Variants in ATF7 observed in about 807,000 individuals in gnomAD.
The protein encoded by ATF7 is activating transcription factor 7, also known as cyclic AMP-dependent transcription factor ATF-7.
In ATF7, 10 loss-of-function variants were observed where a neutral mutation model predicts 50.4. The observed-to-expected ratio is 0.20, with a 90% CI of 0.12 to 0.34. The LOEUF (loss-of-function observed/expected upper bound fraction) is 0.34. ATF7 is among the 10% of genes least tolerant of loss of function. The probability of loss-of-function intolerance (pLI) is 1.00; values close to 1 mark genes in which losing one functional copy is unlikely to be tolerated. For missense variants in ATF7, 465 were observed against 613.9 expected (o/e 0.76, Z 2.56); for synonymous variants, 201 against 226.4 (o/e 0.89, Z 1.01).
chr12:53,554,743 A>G (rs1480978123), intron 2 of ATF7, among the ~76,000 whole-genome samples: 1 of 150,940 alleles, frequency 6.6e-6, no homozygotes. Flanking sequence ...GGTGCTTGTA[A>G]TCCTACCTAC....
chr12:53,510,269 C>T (rs1422889321), downstream of ATF7, among the ~76,000 whole-genome samples: 1 of 152,196 alleles, frequency 6.6e-6, no homozygotes, highest in Non-Finnish European at 1.5e-5. Flanking sequence ...GAACTCCCGA[C>T]CTCAGGTGAT....
downstream of ATF7, among the ~76,000 whole-genome samples, chr12:53,509,707 T>C (rs993809310): frequency 6.6e-6 from 1 of 152,086 alleles, no homozygotes; most frequent in Non-Finnish European, 1.5e-5. Context: ...GGTTTCACCA[T>C]GTTGGCCAGG....
chr12:53,611,745 C>A (rs1288837263), intron 1 of ATF7, among the ~76,000 whole-genome samples: 1 of 152,004 alleles, frequency 6.6e-6, no homozygotes, highest in Non-Finnish European at 1.5e-5. Context: ...CATGTGCCAC[C>A]ATGACCAGCT....
At chr12:53,532,955 C>G (rs1938994909) in intron 7 of ATF7, among the ~76,000 whole-genome samples, 1 of 152,112 alleles carries the variant, frequency 6.6e-6, no homozygotes, top group Non-Finnish European at 1.5e-5. Flanking sequence ...AGACCAGGAG[C>G]CAATTGTCCA....
Position 53,594,825 on chromosome 12 carries a change from T to C in ATF7, c.48+6128A>G, listed in dbSNP as rs145026124. Among the ~76,000 whole-genome samples the C allele has an allele frequency of 4.3e-3, 638 of 149,766 alleles. 11 individuals carry two copies. The highest frequency in any genetic ancestry group is 0.041 in the South Asian group (192 of 4,732). Reference sequence around the variant, plus strand: ...ATCGCTTGAACCTGGGAGGTAGAGGTTGCAGTGAGCCGAGATCACACCACT... The same window carrying C: ...ATCGCTTGAACCTGGGAGGTAGAGGCTGCAGTGAGCCGAGATCACACCACT... On this transcript the variant is annotated intron_variant, in intron 2 of 11. Transcript: ENST00000420353.
rs576118491 is a variant in ATF7, at chr12:53,575,182, C to T, written c.49-22545G>A. 1.2e-3 allele frequency among the ~76,000 whole-genome samples: 182 copies of T among 150,402 alleles called. 1 individual carries two copies. In the South Asian group the frequency reaches 0.014, roughly 12 times the overall value. On this transcript the variant is annotated intron_variant, in intron 2 of 11. Transcript: ENST00000420353. ...CAGCACTTTGGGAGGCCGAGGCAGG[C>T]GGATCACCTGAGGTTGAGAGTTCGA...
chr12:53,510,979 C>T (rs1368674118), downstream of ATF7, among the ~76,000 whole-genome samples: 2 of 152,222 alleles, frequency 1.3e-5, no homozygotes, highest in East Asian at 3.8e-4. Context: ...CCACCACTGC[C>T]TTTCCTGCTC....
intron 9 of ATF7, among the ~76,000 whole-genome samples, chr12:53,527,285 G>C (rs1938537715): frequency 6.6e-6 from 1 of 150,924 alleles, no homozygotes; most frequent in Non-Finnish European, 1.5e-5. Flanking sequence ...AGGAGTTAGA[G>C]ACCAGTCTGG....
chr12:53,591,370 T>G (rs185463551), intron 2 of ATF7, among the ~76,000 whole-genome samples: 141 of 152,190 alleles, frequency 9.3e-4, no homozygotes, highest in African/African-American at 3.1e-3. Flanking sequence ...GAAAGAAGCT[T>G]GAGGAAGTGA....
chr12:53,558,063 A>T (rs922374989), intron 2 of ATF7, among the ~76,000 whole-genome samples: 1 of 152,234 alleles, frequency 6.6e-6, no homozygotes, highest in Admixed American at 6.5e-5. Context: ...TAATCTAGAT[A>T]ATATGCTCCA....
At chr12:53,612,856 T>C (rs1244374314) in intron 1 of ATF7, among the ~76,000 whole-genome samples, 4 of 151,898 alleles carry the variant, frequency 2.6e-5, no homozygotes, top group Non-Finnish European at 5.9e-5. Flanking sequence ...ATACAAAAAT[T>C]AGTTGGGCAT....
At chr12:53,622,287 G>GC (rs1944411601) in intron 1 of ATF7, among the ~76,000 whole-genome samples, 1 of 142,008 alleles carries the variant, frequency 7.0e-6, no homozygotes, top group African/African-American at 2.6e-5. Context: ...GGGAAACACA[G>GC]CAAGACTCCA....
chr12:53,573,544 T>C (rs1941889544), intron 2 of ATF7, among the ~76,000 whole-genome samples: 1 of 152,138 alleles, frequency 6.6e-6, no homozygotes, highest in South Asian at 2.1e-4. Context: ...TTTCTGAGTA[T>C]TTTTTACCTA....
chr12:53,511,495 C>A (rs1217544943), downstream of ATF7, among the ~76,000 whole-genome samples: 2 of 152,208 alleles, frequency 1.3e-5, no homozygotes, highest in Non-Finnish European at 2.9e-5. Context: ...GGTGATCAAC[C>A]CGCCTCAGCC....
At chr12:53,609,539 G>A (rs191238998) in intron 1 of ATF7, among the ~76,000 whole-genome samples, 4 of 151,474 alleles carry the variant, frequency 2.6e-5, no homozygotes, top group East Asian at 1.9e-4. Context: ...TCGGGAGCTC[G>A]GGAGACCGAG....
chr12:53,562,708 G>C (rs1317537538), intron 2 of ATF7, among the ~76,000 whole-genome samples: 1 of 152,084 alleles, frequency 6.6e-6, no homozygotes, highest in Non-Finnish European at 1.5e-5. Context: ...TCCAAAAGGA[G>C]AGTTGGTATC....
chr12:53,557,724 A>C (rs892122972), intron 2 of ATF7, among the ~76,000 whole-genome samples: 1 of 152,178 alleles, frequency 6.6e-6, no homozygotes, highest in African/African-American at 2.4e-5. Context: ...CTGAAGACTA[A>C]GATCATCTAG....
chr12:53,572,573 GA>G (rs987743398), intron 2 of ATF7, among the ~76,000 whole-genome samples: 1 of 152,138 alleles, frequency 6.6e-6, no homozygotes, highest in African/African-American at 2.4e-5. Flanking sequence ...GGGGGAAAGG[GA>G]AAAGTACAGT....
intron 1 of ATF7, among the ~76,000 whole-genome samples, chr12:53,606,618 G>T (rs892120447): frequency 7.7e-4 from 117 of 151,922 alleles, no homozygotes; most frequent in Non-Finnish European, 1.5e-4. Flanking sequence ...CAACGTGCAG[G>T]TTTGTTACAT....
Sources: allele counts gnomAD v4.1 joint callset (sites outside exome capture counted in the v4.1 genomes callset), GRCh38; gene constraint gnomAD v4.1.1; transcripts MANE v1.5; gene names NCBI Gene and HGNC (gene_info 2026-07-23, HGNC 2026-07-21).